Variants in GABRB1 observed in about 807,000 individuals in gnomAD.
GABRB1 encodes the protein gamma-aminobutyric acid type A receptor subunit beta1.
A neutral mutation model predicts 51.6 loss-of-function variants in GABRB1; 17 were observed. The ratio of observed to expected loss-of-function variants is 0.33; its 90% CI spans 0.23 to 0.49. GABRB1 has a LOEUF of 0.49. Among genes scored for constraint, GABRB1 ranks in the 20% least tolerant of loss-of-function variants. The probability of loss-of-function intolerance (pLI) is 0.99; values close to 1 mark genes in which losing one functional copy is unlikely to be tolerated. For missense variants in GABRB1, 410 were observed against 600.6 expected (o/e 0.68, Z 3.32); for synonymous variants, 247 against 218.9 (o/e 1.13, Z -1.14).
intron 3 of GABRB1, among the ~76,000 whole-genome samples, chr4:47,124,298 G>A (rs981416789): frequency 2.6e-5 from 4 of 152,076 alleles, no homozygotes; most frequent in Admixed American, 6.6e-5. Context: ...CAACAACTGC[G>A]TGACCTGATT....
upstream of GABRB1, among the ~76,000 whole-genome samples, chr4:47,028,862 G>GTA (rs1725188248): frequency 6.8e-6 from 1 of 146,186 alleles, no homozygotes; most frequent in Non-Finnish European, 1.5e-5. Flanking sequence ...TGTATATATG[G>GTA]TATATATACC....
At chr4:47,236,018 T>A (rs1356954582) in intron 4 of GABRB1, among the ~76,000 whole-genome samples, 1 of 152,120 alleles carries the variant, frequency 6.6e-6, no homozygotes, top group Non-Finnish European at 1.5e-5. Flanking sequence ...TATAATGCTT[T>A]TTTTAAACTT....
chr4:47,415,341 A>G (rs1336171139), intron 8 of GABRB1, among the ~76,000 whole-genome samples: 1 of 152,060 alleles, frequency 6.6e-6, no homozygotes, highest in Non-Finnish European at 1.5e-5. Context: ...TCATCTCTTA[A>G]TTCTGCTTTC....
In GABRB1 at chr4:47,378,548, G is replaced by C. The variant is rs189701498; in HGVS notation, c.545-24770G>C. Among the ~76,000 whole-genome samples, 853 of 152,330 alleles carry C rather than the reference G, an allele frequency of 5.6e-3. 6 individuals carry two copies. The highest frequency in any genetic ancestry group is 0.019 in the African/African-American group (793 of 41,600). ...GGGCTCCTCAAGTGCTGCCAAAGTG[G>C]GAGCCCAGGCAGAGGAGGCGCCGAG... is the stretch of plus-strand genomic sequence containing the variant. On this transcript the variant is annotated intron_variant, in intron 5 of 8. Coordinates refer to ENST00000295454, the MANE Select transcript of GABRB1 (RefSeq NM_000812.4).
At chr4:47,409,696 G>A (rs551722936) in intron 8 of GABRB1, among the ~76,000 whole-genome samples, 11 of 152,318 alleles carry the variant, frequency 7.2e-5, no homozygotes, top group Admixed American at 3.3e-4. Context: ...GGCCTTTGCC[G>A]GGGAACTACC....
intron 8 of GABRB1, among the ~76,000 whole-genome samples, 193 bp from the exon 9 acceptor site, chr4:47,425,481 G>GATAGATAGATAGAT (rs1375721351): frequency 8.1e-5 from 1 of 12,384 alleles, no homozygotes; most frequent in African/African-American, 2.5e-4. Context: ...GGATGATGAT[G>GATAGATAGATAGAT]ATAGATAGAT....
At chr4:47,107,651 G>GA (rs1030698212) in intron 3 of GABRB1, among the ~76,000 whole-genome samples, 4 of 151,972 alleles carry the variant, frequency 2.6e-5, no homozygotes, top group Non-Finnish European at 5.9e-5. Context: ...AAAGTTAGTT[G>GA]ACATATATGA....
chr4:47,393,512 C>G (rs944719188), intron 5 of GABRB1, among the ~76,000 whole-genome samples: 1 of 152,202 alleles, frequency 6.6e-6, no homozygotes, highest in South Asian at 2.1e-4. Flanking sequence ...CCTTACTCTT[C>G]TTGGCCCAGT....
rs73813523 is a variant in GABRB1, at chr4:47,401,764, A to G, written c.545-1554A>G. Reference sequence around the variant, plus strand: ...GAGTTTTGTATTCTAAAATCCATGAATGGGATCCATGATCTCCTGAAATTG... The same window carrying G: ...GAGTTTTGTATTCTAAAATCCATGAGTGGGATCCATGATCTCCTGAAATTG... On this transcript the variant is annotated intron_variant, in intron 5 of 8. Transcript: ENST00000295454. 8.4e-3 allele frequency among the ~76,000 whole-genome samples: 1,281 copies of G among 152,304 alleles called. 20 individuals carry two copies. Among genetic ancestry groups the G allele is most frequent in the African/African-American group, 0.028 (1,177 of 41,554 alleles).
chr4:47,277,274 A>T (rs996673587), intron 4 of GABRB1, among the ~76,000 whole-genome samples: 1 of 152,082 alleles, frequency 6.6e-6, no homozygotes, highest in African/African-American at 2.4e-5. Context: ...GAAGACAAAC[A>T]TCACATGTTC....
At chr4:47,287,552 T>G (rs1384754610) in intron 4 of GABRB1, among the ~76,000 whole-genome samples, 1 of 152,224 alleles carries the variant, frequency 6.6e-6, no homozygotes, top group African/African-American at 2.4e-5. Context: ...CTCTGCTGTT[T>G]GTTTCACCAC....
chr4:47,005,662 A>G (rs1389239294), intron 1 of GABRB1, among the ~76,000 whole-genome samples: 1 of 149,618 alleles, frequency 6.7e-6, no homozygotes, highest in Non-Finnish European at 1.5e-5. Flanking sequence ...CTGAAGATCC[A>G]AGGACTAAAA....
At chr4:47,203,685 C>T (rs1162378094) in intron 4 of GABRB1, among the ~76,000 whole-genome samples, 2 of 152,106 alleles carry the variant, frequency 1.3e-5, no homozygotes, top group African/African-American at 2.4e-5. Context: ...AGGGATGGCA[C>T]ACAGCATATC....
chr4:47,341,333 A>AT lies in GABRB1; in HGVS notation c.544+21124_544+21125insT, dbSNP rs1333748473. On this transcript the variant is annotated intron_variant, in intron 5 of 8. Coordinates refer to ENST00000295454, the MANE Select transcript of GABRB1 (RefSeq NM_000812.4). Reference sequence around the variant, plus strand: ...TTCATTGTTTCGATCCCACAACACCAGTGGCCATGCTCTCTGGAAATTAAT... The same window carrying AT: ...TTCATTGTTTCGATCCCACAACACCATGTGGCCATGCTCTCTGGAAATTAAT... Among the ~76,000 whole-genome samples the AT allele has an allele frequency of 3.2e-3, 490 of 152,346 alleles. 1 individual carries two copies. Among genetic ancestry groups the AT allele is most frequent in the Middle Eastern group, 0.02 (6 of 294 alleles).
At position 47,354,911 on chromosome 4, in the gene GABRB1, GCC is replaced by G. The variant is rs1219514795; in HGVS notation, c.544+34703_544+34704del. Among the ~76,000 whole-genome samples the G allele has an allele frequency of 6.0e-3, 35 of 5,816 alleles. 1 individual carries two copies. In the African/African-American group the frequency reaches 0.092, roughly 15 times the overall value. 3.8% of individuals were successfully genotyped at this position (5,816 alleles called of 152,430 possible). A position where few individuals can be genotyped will look rare whatever the true frequency, so the allele number is the denominator to read the frequency against. ...CTTTTGAAGGCCTTCCTACCTGCCT[GCC>G]TGCCTGCCTGCCTGCCTGCCTGCCT... On this transcript the variant is annotated intron_variant, in intron 5 of 8. Coordinates refer to ENST00000295454, the MANE Select transcript of GABRB1 (RefSeq NM_000812.4).
intron 5 of GABRB1, among the ~76,000 whole-genome samples, chr4:47,400,939 T>G (rs1364013100): frequency 6.9e-6 from 1 of 145,264 alleles, no homozygotes; most frequent in Non-Finnish European, 1.5e-5. Flanking sequence ...TTTTTTTTTT[T>G]TTTTTTTGAG....
At position 47,303,299 on chromosome 4, in the gene GABRB1, C is replaced by A. The variant is rs1423863354; in HGVS notation, c.462-16828C>A. Among the ~76,000 whole-genome samples the A allele has an allele frequency of 2.6e-5, 4 of 151,518 alleles. No individual in the cohort carries two copies. In the East Asian group the frequency reaches 5.8e-4, roughly 22 times the overall value. Reference sequence around the variant, plus strand: ...ACATGAATAAATTTGCATTATTAATCTTTAATAAAGAACAATGTTGATAGT... The same window carrying A: ...ACATGAATAAATTTGCATTATTAATATTTAATAAAGAACAATGTTGATAGT... On this transcript the variant is annotated intron_variant, in intron 4 of 8. Transcript: ENST00000295454.
At position 47,185,993 on chromosome 4, in the gene GABRB1, G is replaced by A. The variant is rs115330310; in HGVS notation, c.461+24524G>A. ...GCGTGGCTATGCTATACTTAACCAA[G>A]TGAAAACATAAAGTGATGTTCAAAA... On this transcript the variant is annotated intron_variant, in intron 4 of 8. Coordinates refer to ENST00000295454, the MANE Select transcript of GABRB1 (RefSeq NM_000812.4). Among the ~76,000 whole-genome samples, 395 of 151,874 alleles carry A rather than the reference G, an allele frequency of 2.6e-3. 1 individual carries two copies. The highest frequency in any genetic ancestry group is 9.0e-3 in the African/African-American group (375 of 41,490).
At chr4:47,257,602 T>A (rs572493559) in intron 4 of GABRB1, among the ~76,000 whole-genome samples, 1 of 152,016 alleles carries the variant, frequency 6.6e-6, no homozygotes, top group African/African-American at 2.4e-5. Flanking sequence ...GAGAAGTGTC[T>A]TCTCTACTTT....
Sources: allele counts gnomAD v4.1 joint callset (sites outside exome capture counted in the v4.1 genomes callset), GRCh38; gene constraint gnomAD v4.1.1; transcripts MANE v1.5; gene names NCBI Gene and HGNC (gene_info 2026-07-23, HGNC 2026-07-21).